The following PDGFC variants were observed in gnomAD, a reference collection of about 807,000 sequenced individuals.
PDGFC encodes platelet-derived growth factor C.
PDGFC carries 12 observed loss-of-function variants against 35.5 expected under a neutral mutation model. The observed-to-expected ratio is 0.34, with a 90% CI of 0.22 to 0.55. PDGFC has a LOEUF of 0.55. PDGFC is among the 20% of genes least tolerant of loss of function. The pLI is 0.91. For synonymous variants in PDGFC, 159 were observed against 148.8 expected (o/e 1.07, Z -0.50); for missense variants, 322 against 412.4 (o/e 0.78, Z 1.90).
chr4:156,921,944 A>G lies in PDGFC; in HGVS notation c.118+48842T>C, dbSNP rs543915796. 2.6e-5 allele frequency among the ~76,000 whole-genome samples: 4 copies of G among 152,258 alleles called. No homozygotes were observed. In the East Asian group the frequency reaches 7.7e-4, roughly 29 times the overall value. On this transcript the variant is annotated intron_variant, in intron 1 of 5. Transcript: ENST00000502773. Reference sequence around the variant, plus strand: ...TAGTATTTCCTTACAGTCCCAGTGCAGTGATCGATGCAATAAACTGCTTAA... The same window carrying G: ...TAGTATTTCCTTACAGTCCCAGTGCGGTGATCGATGCAATAAACTGCTTAA...
chr4:156,882,077 T>G (rs990866885), intron 1 of PDGFC, among the ~76,000 whole-genome samples: 2 of 152,158 alleles, frequency 1.3e-5, no homozygotes, highest in South Asian at 2.1e-4. Flanking sequence ...ACTGTCTGCA[T>G]GCAAACACGC....
chr4:156,913,915 T>C (rs1398635853), intron 1 of PDGFC, among the ~76,000 whole-genome samples: 1 of 152,160 alleles, frequency 6.6e-6, no homozygotes, highest in Non-Finnish European at 1.5e-5. Flanking sequence ...GATTTTTCCC[T>C]TTTCAGTGAA....
chr4:156,842,506 C>A (rs1729229968), intron 2 of PDGFC, among the ~76,000 whole-genome samples: 1 of 152,070 alleles, frequency 6.6e-6, no homozygotes, highest in African/African-American at 2.4e-5. Context: ...TCAATCCCTC[C>A]TTCAACATAC....
intron 2 of PDGFC, among the ~76,000 whole-genome samples, chr4:156,830,974 A>G (rs1728918278): frequency 6.6e-6 from 1 of 152,124 alleles, no homozygotes; most frequent in Non-Finnish European, 1.5e-5. Context: ...ATTTAGAATT[A>G]TATTTTTTGT....
chr4:156,839,810 C>T (rs1241313609), intron 2 of PDGFC, among the ~76,000 whole-genome samples: 5 of 152,082 alleles, frequency 3.3e-5, no homozygotes, highest in African/African-American at 1.2e-4. Flanking sequence ...ACAATGAGGT[C>T]GAGGCAGAGG....
chr4:156,816,127 A>G (rs1307182369), intron 2 of PDGFC, among the ~76,000 whole-genome samples: 2 of 152,222 alleles, frequency 1.3e-5, no homozygotes, highest in Middle Eastern at 3.2e-3. Context: ...AGCTTCTTTC[A>G]GCAAAAATAA....
chr4:156,940,748 T>C (rs1203450114), intron 1 of PDGFC, among the ~76,000 whole-genome samples: 1 of 152,084 alleles, frequency 6.6e-6, no homozygotes, highest in Non-Finnish European at 1.5e-5. Context: ...TTCTTATAAG[T>C]GTACAGTCAA....
At chr4:156,944,823 A>G (rs1020623680) in intron 1 of PDGFC, among the ~76,000 whole-genome samples, 3 of 152,076 alleles carry the variant, frequency 2.0e-5, no homozygotes, top group African/African-American at 7.2e-5. Flanking sequence ...CACTCGGCAG[A>G]AATAATCATC....
chr4:156,935,629 A>G (rs1051931025), intron 1 of PDGFC, among the ~76,000 whole-genome samples: 1 of 152,222 alleles, frequency 6.6e-6, no homozygotes, highest in African/African-American at 2.4e-5. Flanking sequence ...TATGCAGCAC[A>G]TGACTATATA....
In PDGFC at chr4:156,767,940, G is replaced by C; in HGVS notation, c.754C>G (p.Pro252Ala). The C allele has an allele frequency of 6.2e-7, 1 of 1,612,712 alleles. No individual in the cohort carries two copies. The highest frequency in any genetic ancestry group is 1.3e-5 in the African/African-American group (1 of 74,982). The change falls in exon 5 of 6, where the codon CCT becomes GCT. Residue 252 changes from proline to alanine, a missense_variant. Pro to Ala is a conservative substitution (Grantham distance 27). This residue lies in a region of PDGFC where 202 missense variants were observed against 295.9 expected (regional missense o/e 0.68). Coordinates refer to ENST00000502773, the MANE Select transcript of PDGFC (RefSeq NM_016205.3). ...CTTATGGACACTGAGAAGTTACGAGGTGTGCAGCTGTATAATCTTACCTCC... is the reference window on the plus strand; with the variant it reads ...CTTATGGACACTGAGAAGTTACGAGCTGTGCAGCTGTATAATCTTACCTCC... ...TEEVRLYSCT[P>A]RNFSVSIREE...
intron 2 of PDGFC, among the ~76,000 whole-genome samples, chr4:156,835,732 G>T (rs573961110): frequency 5.9e-5 from 9 of 152,302 alleles, no homozygotes; most frequent in African/African-American, 1.9e-4. Flanking sequence ...TGATAGAACT[G>T]AACTGGAAAC....
rs1000859149 is a variant in PDGFC at position 156,880,007 on chromosome 4, G to A, written c.119-29591C>T. Among the ~76,000 whole-genome samples the A allele has an allele frequency of 3.9e-5, 6 of 152,202 alleles. No individual in the cohort carries two copies. The East Asian group carries it at 5.8e-4, about 15-fold the overall frequency. ...GCAGAAAAGCTGGAAGCCAGCAGAC[G>A]TTGGTTCATGAGGTTCAAGAAAAGA... On this transcript the variant is annotated intron_variant, in intron 1 of 5. Transcript: ENST00000502773.
intron 1 of PDGFC, among the ~76,000 whole-genome samples, chr4:156,969,999 A>G (rs1302041096): frequency 6.6e-6 from 1 of 152,230 alleles, no homozygotes; most frequent in African/African-American, 2.4e-5. Flanking sequence ...CACACCCTGA[A>G]GCTGCCCTGG....
intron 3 of PDGFC, among the ~76,000 whole-genome samples, chr4:156,777,608 C>A: frequency 6.6e-6 from 1 of 152,152 alleles, no homozygotes; most frequent in East Asian, 1.9e-4. Context: ...ACCCTGATCT[C>A]AATTTCTAGC....
chr4:156,822,707 T>C (rs1244409373), intron 2 of PDGFC, among the ~76,000 whole-genome samples: 1 of 152,150 alleles, frequency 6.6e-6, no homozygotes, highest in Admixed American at 6.5e-5. Flanking sequence ...GTAAGGGTAA[T>C]AGACCTGGAG....
chr4:156,882,555 A>G (rs1730268532), intron 1 of PDGFC, among the ~76,000 whole-genome samples: 1 of 152,224 alleles, frequency 6.6e-6, no homozygotes, highest in South Asian at 2.1e-4. Flanking sequence ...TCCAGGGTAT[A>G]GAAGGTTAAC....
chr4:156,922,511 GA>G (rs1419965287), intron 1 of PDGFC, among the ~76,000 whole-genome samples: 1 of 152,194 alleles, frequency 6.6e-6, no homozygotes, highest in African/African-American at 2.4e-5. Context: ...AGCAAGGGCA[GA>G]GTGCCCTCTA....
chr4:156,878,376 G>C (rs551676665), intron 1 of PDGFC, among the ~76,000 whole-genome samples: 57 of 152,178 alleles, frequency 3.7e-4, no homozygotes, highest in African/African-American at 6.7e-4. Context: ...AAATATCACA[G>C]ACTAAATTTT....
At chr4:156,935,351 T>C (rs1018946318) in intron 1 of PDGFC, among the ~76,000 whole-genome samples, 1 of 152,190 alleles carries the variant, frequency 6.6e-6, no homozygotes, top group Admixed American at 6.5e-5. Flanking sequence ...TAATAAATAG[T>C]ATAGCAAATA....
Sources: allele counts gnomAD v4.1 joint callset (sites outside exome capture counted in the v4.1 genomes callset), GRCh38; gene constraint gnomAD v4.1.1; regional missense constraint gnomAD v4.1.1; transcripts MANE v1.5; gene names NCBI Gene and HGNC (gene_info 2026-07-23, HGNC 2026-07-21).